Variants in PRRG1 observed in about 807,000 individuals in gnomAD.
PRRG1 encodes the protein proline rich and Gla domain 1.
A neutral mutation model predicts 11.8 loss-of-function variants in PRRG1; 5 were observed. The ratio of observed to expected loss-of-function variants is 0.42; its 90% CI spans 0.22 to 0.89. PRRG1 has a LOEUF of 0.89. Among genes scored for constraint, PRRG1 ranks in the 40% least tolerant of loss-of-function variants. The probability of loss-of-function intolerance (pLI) is 0.28; values close to 1 mark genes in which losing one functional copy is unlikely to be tolerated. For missense variants in PRRG1, 155 were observed against 166.1 expected, an observed-to-expected ratio of 0.93 and a Z score of 0.37; for synonymous variants, 66 against 60.4, an observed-to-expected ratio of 1.09 and a Z score of -0.43.
intron 3 of PRRG1, among the ~76,000 whole-genome samples, chrX:37,444,594 A>C (rs1235823843): frequency 2.7e-5 from 3 of 111,872 alleles, no homozygotes; most frequent in African/African-American, 9.8e-5. Context: ...GGTAGCTATG[A>C]GTTATCACCA....
chrX:37,378,850 G>A (rs782751354), intron 1 of PRRG1, among the ~76,000 whole-genome samples: 2 of 109,896 alleles, frequency 1.8e-5, no homozygotes, highest in Non-Finnish European at 3.8e-5. Flanking sequence ...TACAGCCATT[G>A]AGTTGTAATT....
chrX:37,432,052 TA>T (rs1453814052), intron 3 of PRRG1, among the ~76,000 whole-genome samples: 1 of 107,923 alleles, frequency 9.3e-6, no homozygotes, highest in Non-Finnish European at 1.9e-5. Flanking sequence ...GCTAGGATTA[TA>T]GGCATGAGCC....
chrX:37,409,873 A>G (rs1932307083), intron 2 of PRRG1, among the ~76,000 whole-genome samples: 1 of 112,284 alleles, frequency 8.9e-6, no homozygotes, highest in East Asian at 2.8e-4. Flanking sequence ...ACACACTTGG[A>G]TAACTGTACA....
chrX:37,376,549 G>GTATATATATATATATATATATATATATA (rs1491489103), intron 1 of PRRG1, among the ~76,000 whole-genome samples: 273 of 15,966 alleles, frequency 0.017, 44 homozygotes, highest in African/African-American at 0.02. Context: ...AGAAATGTGA[G>GTATATATATATATATATATATATATATA]TGTATATATA....
intron 1 of PRRG1, among the ~76,000 whole-genome samples, chrX:37,358,221 C>G (rs1219671109): frequency 9.0e-6 from 1 of 111,568 alleles, no homozygotes; most frequent in East Asian, 2.8e-4. Flanking sequence ...ATATTCTTGA[C>G]AGTGTATTTT....
intron 1 of PRRG1, among the ~76,000 whole-genome samples, chrX:37,352,151 A>G (rs1463893339): frequency 8.9e-6 from 1 of 112,449 alleles, no homozygotes; most frequent in Non-Finnish European, 1.9e-5. Flanking sequence ...AGAAAATACC[A>G]TGAACAAATG....
intron 1 of PRRG1, among the ~76,000 whole-genome samples, chrX:37,352,462 T>C (rs192457383): frequency 2.1e-3 from 239 of 112,123 alleles, no homozygotes; most frequent in Non-Finnish European, 9.0e-4. Flanking sequence ...TTTAAAGTTC[T>C]ACATCATCTG....
intron 1 of PRRG1, among the ~76,000 whole-genome samples, chrX:37,376,549 G>GTATATATATA (rs1491489103): frequency 0.088 from 1,409 of 16,002 alleles, 172 homozygotes; most frequent in East Asian, 0.22. Context: ...AGAAATGTGA[G>GTATATATATA]TGTATATATA....
At chrX:37,403,919 G>A (rs1183795491) in intron 1 of PRRG1, 1 of 268,482 alleles carries the variant, frequency 3.7e-6, no homozygotes, top group African/African-American at 3.0e-5. Flanking sequence ...CGGTGAGGTG[G>A]CTGACATGTA....
At chrX:37,413,340 C>A (rs781806446) in intron 2 of PRRG1, among the ~76,000 whole-genome samples, 14 of 110,924 alleles carry the variant, frequency 1.3e-4, no homozygotes, top group Non-Finnish European at 7.6e-5. Flanking sequence ...CCACCCCTGG[C>A]AATCACTGAT....
chrX:37,436,020 A>G (rs1028384222), intron 3 of PRRG1, among the ~76,000 whole-genome samples: 1 of 112,132 alleles, frequency 8.9e-6, no homozygotes, highest in Non-Finnish European at 1.9e-5. Context: ...AATTATTTCA[A>G]AATAAGAAAG....
intron 3 of PRRG1, among the ~76,000 whole-genome samples, chrX:37,429,659 T>C (rs1272280452): frequency 1.8e-5 from 2 of 111,806 alleles, no homozygotes; most frequent in African/African-American, 6.5e-5. Flanking sequence ...TTCTGAGCCC[T>C]CCAAACTGTC....
chrX:37,434,268 CAT>C (rs1932861535), intron 3 of PRRG1, among the ~76,000 whole-genome samples: 1 of 111,874 alleles, frequency 8.9e-6, no homozygotes, highest in Non-Finnish European at 1.9e-5. Context: ...TGGGAGAAAA[CAT>C]ATTGTACTTC....
Position 37,453,397 on chromosome X carries a change from T to C in PRRG1, c.433T>C (p.Ser145Pro). ...TGAAGTGTTTGACAGCAGTGGATTG[T>C]CTCCAGGCTTTCTGGGATATGTAGT... The part of the protein sequence containing the change: ...PDEVFDSSGL[S>P]PGFLGYVVGR... Residue 145 changes from serine (S) to proline (P), a missense_variant, in exon 4 of 4, where the codon TCT becomes CCT. Physicochemically the swap from Ser to Pro is moderately conservative, Grantham distance 74. Transcript: ENST00000378628. 1 of 1,208,827 alleles carries C rather than the reference T, an allele frequency of 8.3e-7. No individual in the cohort carries two copies. Among genetic ancestry groups the C allele is most frequent in the Non-Finnish European group, 1.1e-6 (1 of 894,300 alleles).
intron 1 of PRRG1, among the ~76,000 whole-genome samples, chrX:37,369,631 C>T (rs143483911): frequency 1.5e-4 from 17 of 111,438 alleles, no homozygotes; most frequent in Non-Finnish European, 2.5e-4. Context: ...TTTGATCTTC[C>T]CCCACCCAGT....
chrX:37,432,381 CG>C (rs1211318608), intron 3 of PRRG1, among the ~76,000 whole-genome samples: 1 of 112,008 alleles, frequency 8.9e-6, no homozygotes, highest in African/African-American at 3.2e-5. Flanking sequence ...CCACTGCACC[CG>C]GACCGTGAAC....
Position 37,456,519 on chromosome X carries a change from C to T in PRRG1, c.*2898C>T, listed in dbSNP as rs1444052687. On this transcript the variant is annotated 3_prime_UTR_variant, in exon 4 of 4. Coordinates refer to ENST00000378628, the MANE Select transcript of PRRG1 (RefSeq NM_001142395.2). ...ACTTCACAGTAATAGCTCTATCAGCCACAGATCTCATGGTGGCTGTTGCAT... is the reference window on the plus strand; with the variant it reads ...ACTTCACAGTAATAGCTCTATCAGCTACAGATCTCATGGTGGCTGTTGCAT... 8.9e-6 allele frequency: 1 copy of T among 112,112 alleles called. No individual in the cohort carries two copies. The highest frequency in any genetic ancestry group is 1.9e-5 in the Non-Finnish European group (1 of 53,186). The allele number at this position is 112,112 out of a possible 1,213,427, so 9.2% of individuals were successfully genotyped here. A position where few individuals can be genotyped will look rare whatever the true frequency, so the allele number is the denominator to read the frequency against.
chrX:37,384,282 A>G (rs1200016744), intron 1 of PRRG1, among the ~76,000 whole-genome samples: 1 of 111,559 alleles, frequency 9.0e-6, no homozygotes, highest in African/African-American at 3.3e-5. Context: ...CTTCATTTCC[A>G]TGGAAAAGAC....
At chrX:37,426,811 C>G (rs1176249155) in intron 3 of PRRG1, among the ~76,000 whole-genome samples, 1 of 111,935 alleles carries the variant, frequency 8.9e-6, no homozygotes, top group African/African-American at 3.2e-5. Context: ...AGCTTTTTCC[C>G]TTTGCATCCG....
Sources: gnomAD v4.1 joint callset for allele counts (sites outside exome capture counted in the v4.1 genomes callset) on GRCh38, gnomAD v4.1.1 for gene constraint, MANE v1.5 for transcripts, NCBI Gene and HGNC (gene_info 2026-07-23, HGNC 2026-07-21) for gene names.